Variants in CADM2 observed in about 807,000 individuals in gnomAD.
CADM2 encodes the protein immunoglobulin superfamily member 4D.
Under a neutral mutation model 49.8 loss-of-function variants are expected in CADM2, and 12 were observed. The observed-to-expected ratio is 0.24, with a 90% confidence interval of 0.15 to 0.39. The LOEUF (loss-of-function observed/expected upper bound fraction) is 0.39, where lower values mean the gene tolerates loss of function less well. Among genes scored for constraint, CADM2 ranks in the 10% least tolerant of loss-of-function variants. The pLI is 1.00. For synonymous variants in CADM2, 214 were observed against 175.4 expected (o/e 1.22, Z -1.74); for missense variants, 378 against 492.3 (o/e 0.77, Z 2.20).
At chr3:85,507,182 A>ATTTTT (rs71108295) in intron 1 of CADM2, among the ~76,000 whole-genome samples, 1 of 127,270 alleles carries the variant, frequency 7.9e-6, no homozygotes, top group Non-Finnish European at 1.7e-5. Context: ...CACCCAGTGT[A>ATTTTT]TTTTTTTTTT....
At chr3:85,916,629 C>A (rs997457177) in intron 6 of CADM2, among the ~76,000 whole-genome samples, 7 of 152,048 alleles carry the variant, frequency 4.6e-5, no homozygotes, top group Non-Finnish European at 1.0e-4. Flanking sequence ...CCTCAATAAA[C>A]ATACGTGTGC....
chr3:85,561,777 T>C (rs1369749752), intron 1 of CADM2, among the ~76,000 whole-genome samples: 1 of 152,150 alleles, frequency 6.6e-6, no homozygotes, highest in Non-Finnish European at 1.5e-5. Context: ...AGGTCTTGAA[T>C]GCTAAAAATT....
At chr3:85,681,380 A>G (rs1473422267) in intron 1 of CADM2, among the ~76,000 whole-genome samples, 1 of 152,154 alleles carries the variant, frequency 6.6e-6, no homozygotes, top group Non-Finnish European at 1.5e-5. Flanking sequence ...TTTGGAAATC[A>G]CTTTCTGCTT....
intron 1 of CADM2, among the ~76,000 whole-genome samples, chr3:85,544,644 C>T (rs1317133493): frequency 6.6e-6 from 1 of 151,852 alleles, no homozygotes; most frequent in Non-Finnish European, 1.5e-5. Flanking sequence ...TGTGAGAAAG[C>T]GTACAGAAGC....
intron 5 of CADM2, among the ~76,000 whole-genome samples, chr3:85,908,797 T>C (rs973122858): frequency 5.9e-5 from 9 of 151,800 alleles, no homozygotes; most frequent in African/African-American, 1.9e-4. Flanking sequence ...TGGTCTCTGC[T>C]CACTGCAACC....
At chr3:85,364,636 G>C (rs1161002802) in intron 1 of CADM2, among the ~76,000 whole-genome samples, 1 of 152,048 alleles carries the variant, frequency 6.6e-6, no homozygotes. Context: ...AATCTAAAAT[G>C]ATCTATTTTT....
At chr3:86,036,251 G>T (rs558563010) in intron 8 of CADM2, among the ~76,000 whole-genome samples, 3 of 152,130 alleles carry the variant, frequency 2.0e-5, no homozygotes, top group African/African-American at 7.2e-5. Context: ...AATATACTTT[G>T]CATCCTTACT....
chr3:85,664,815 C>T (rs971043703), intron 1 of CADM2, among the ~76,000 whole-genome samples: 1 of 152,060 alleles, frequency 6.6e-6, no homozygotes, highest in South Asian at 2.1e-4. Context: ...TTTCCCTTTT[C>T]GTTTAGCACT....
At chr3:85,744,553 G>A (rs979698246) in intron 2 of CADM2, among the ~76,000 whole-genome samples, 3 of 151,654 alleles carry the variant, frequency 2.0e-5, no homozygotes, top group East Asian at 1.9e-4. Context: ...AAATAAATAA[G>A]TAAATGAAAT....
At chr3:85,627,127 A>G (rs758199200) in intron 1 of CADM2, among the ~76,000 whole-genome samples, 7 of 152,044 alleles carry the variant, frequency 4.6e-5, no homozygotes, top group Non-Finnish European at 1.0e-4. Flanking sequence ...TTCCTTCACT[A>G]TTTTGTGATT....
intron 1 of CADM2, among the ~76,000 whole-genome samples, chr3:84,965,991 A>G (rs571331544): frequency 6.6e-6 from 1 of 152,324 alleles, no homozygotes; most frequent in African/African-American, 2.4e-5. Flanking sequence ...ATTAAACCCT[A>G]TCAGATAAAA....
intron 1 of CADM2, among the ~76,000 whole-genome samples, chr3:85,633,854 A>G (rs562577929): frequency 6.6e-6 from 1 of 152,224 alleles, no homozygotes; most frequent in Non-Finnish European, 1.5e-5. Context: ...AATATAACAA[A>G]CAAGGACCTT....
chr3:85,303,872 G>C (rs2044156690), intron 1 of CADM2, among the ~76,000 whole-genome samples: 1 of 151,754 alleles, frequency 6.6e-6, no homozygotes, highest in Admixed American at 6.6e-5. Context: ...GATATAACTA[G>C]GTAGCAATTA....
intron 8 of CADM2, among the ~76,000 whole-genome samples, chr3:86,062,637 G>T (rs904569409): frequency 6.8e-6 from 1 of 146,710 alleles, no homozygotes; most frequent in Non-Finnish European, 1.5e-5. Flanking sequence ...AAAATTAGCC[G>T]AGGCTAATTA....
chr3:85,758,903 A>G (rs947436578), intron 2 of CADM2, among the ~76,000 whole-genome samples: 3 of 152,048 alleles, frequency 2.0e-5, no homozygotes, highest in Non-Finnish European at 4.4e-5. Context: ...ATTTTAATAT[A>G]TATTGCTGAG....
rs544381056 is a variant in CADM2, at chr3:86,070,583, C to T, written c.*3800C>T. 1.8e-4 allele frequency: 28 copies of T among 151,374 alleles called. No individual in the cohort carries two copies. The highest frequency in any genetic ancestry group is 6.5e-4 in the African/African-American group (27 of 41,292). The allele number at this position is 151,374 out of a possible 1,614,324, so 9.4% of individuals were successfully genotyped here. A position where few individuals can be genotyped will look rare whatever the true frequency, so the allele number is the denominator to read the frequency against. On this transcript the variant is annotated 3_prime_UTR_variant, in exon 10 of 10. Coordinates refer to ENST00000383699, the MANE Select transcript of CADM2 (RefSeq NM_001167675.2). ...AATTACTTAGAGTCTCTAAAATTGC[C>T]CAATATTATTTCCCTTTGCAAATGG... is the stretch of plus-strand genomic sequence containing the variant.
At chr3:85,170,076 A>G (rs1559700848) in intron 1 of CADM2, among the ~76,000 whole-genome samples, 1 of 152,140 alleles carries the variant, frequency 6.6e-6, no homozygotes, top group Non-Finnish European at 1.5e-5. Flanking sequence ...CTATCTAGCT[A>G]CTGTTGGAAA....
At chr3:85,296,629 C>T (rs931376409) in intron 1 of CADM2, among the ~76,000 whole-genome samples, 2 of 152,120 alleles carry the variant, frequency 1.3e-5, no homozygotes, top group East Asian at 1.9e-4. Flanking sequence ...CTAAATAGCT[C>T]GGTGATTCTT....
In CADM2 at chr3:85,344,190, A is replaced by G. The variant is rs538247787; in HGVS notation, c.62-382332A>G. On this transcript the variant is annotated intron_variant, in intron 1 of 9. Transcript: ENST00000383699. Reference sequence around the variant, plus strand: ...GGAGATCGAGACCATCTTGGCTAACACGGTGAAACCCCATCTCTACTAAAA... The same window carrying G: ...GGAGATCGAGACCATCTTGGCTAACGCGGTGAAACCCCATCTCTACTAAAA... Among the ~76,000 whole-genome samples the G allele has an allele frequency of 2.0e-5, 3 of 151,768 alleles. No homozygotes were observed. The South Asian group carries it at 6.2e-4, about 32-fold the overall frequency.
Sources: gnomAD v4.1 joint callset for allele counts (sites outside exome capture counted in the v4.1 genomes callset) on GRCh38, gnomAD v4.1.1 for gene constraint, MANE v1.5 for transcripts, NCBI Gene and HGNC (gene_info 2026-07-23, HGNC 2026-07-21) for gene names.